Variants in FRMPD1 observed in about 807,000 individuals in gnomAD.
The protein encoded by FRMPD1 is FERM and PDZ domain-containing protein 1.
A neutral mutation model predicts 117.8 loss-of-function variants in FRMPD1; 76 were observed. The ratio of observed to expected loss-of-function variants is 0.65; its 90% CI spans 0.54 to 0.78. The LOEUF (loss-of-function observed/expected upper bound fraction) is 0.78. Ranked by LOEUF, FRMPD1 falls within the 30% of genes least tolerant of loss-of-function variation. The probability of loss-of-function intolerance (pLI) is 0.00; values close to 1 mark genes in which losing one functional copy is unlikely to be tolerated. For missense variants in FRMPD1, 1,786 were observed against 1,964.5 expected (o/e 0.91, Z 1.72); for synonymous variants, 783 against 770.4 (o/e 1.02, Z -0.27).
At chr9:37,691,040 A>T (rs1822114323) in intron 1 of FRMPD1, among the ~76,000 whole-genome samples, 1 of 152,246 alleles carries the variant, frequency 6.6e-6, no homozygotes, top group South Asian at 2.1e-4. Context: ...TAAGTTTTCA[A>T]CACATGAACT....
chr9:37,638,021 T>TTTCTTTCTTTCC, the FRMPD1 span, among the ~76,000 whole-genome samples: 2 of 109,796 alleles, frequency 1.8e-5, no homozygotes, highest in South Asian at 6.1e-4. Flanking sequence ...TCTTTCTTTC[T>TTTCTTTCTTTCC]TTCTCTCTCT....
chr9:37,630,168 TG>T, the FRMPD1 span, among the ~76,000 whole-genome samples: 1 of 152,122 alleles, frequency 6.6e-6, no homozygotes, highest in South Asian at 2.1e-4. Flanking sequence ...ATGTGAATTT[TG>T]GGGGGACACA....
the FRMPD1 span, chr9:37,637,317 T>A: frequency 8.8e-7 from 1 of 1,130,738 alleles, no homozygotes; most frequent in Non-Finnish European, 1.3e-6. Context: ...GCCCGCTCAG[T>A]CGCTCCCAGT....
the FRMPD1 span, among the ~76,000 whole-genome samples, chr9:37,613,625 G>T: frequency 6.6e-5 from 10 of 152,268 alleles, no homozygotes; most frequent in African/African-American, 2.4e-4. Context: ...GTCAACCATG[G>T]ACTGAAAACA....
the FRMPD1 span, among the ~76,000 whole-genome samples, chr9:37,641,641 GC>G: frequency 2.6e-5 from 4 of 152,134 alleles, no homozygotes; most frequent in Non-Finnish European, 5.9e-5. Flanking sequence ...CATGAATAAA[GC>G]CTTGTTTTTA....
intron 2 of FRMPD1, chr9:37,693,003 CAG>C (rs1822199065): frequency 3.7e-6 from 2 of 537,562 alleles, no homozygotes; most frequent in South Asian, 2.2e-5. Flanking sequence ...CACTGACACA[CAG>C]ACATACACAC....
At chr9:37,645,939 A>G in the FRMPD1 span, among the ~76,000 whole-genome samples, 1 of 152,190 alleles carries the variant, frequency 6.6e-6, no homozygotes, top group African/African-American at 2.4e-5. Flanking sequence ...ATCAGGTATC[A>G]TTGCCTCTTC....
chr9:37,631,360 A>G, the FRMPD1 span, among the ~76,000 whole-genome samples: 1 of 152,262 alleles, frequency 6.6e-6, no homozygotes, highest in Non-Finnish European at 1.5e-5. Context: ...TATTGTTATC[A>G]GTGAAACACT....
Position 37,732,315 on chromosome 9 carries a change from T to C in FRMPD1, c.870T>C (p.Asp290=). 4 of 1,613,654 alleles carry C rather than the reference T, an allele frequency of 2.5e-6. No homozygotes were observed. The highest frequency in any genetic ancestry group is 3.4e-6 in the Non-Finnish European group (4 of 1,179,984). Reference sequence around the variant, plus strand: ...TTAATCTCTTCTAGAGCTGCAGCGATGTGCTCCAGGAGCGCTTTGCTGTAG... The same window carrying C: ...TTAATCTCTTCTAGAGCTGCAGCGACGTGCTCCAGGAGCGCTTTGCTGTAG... ...FEYLYLQSCS[D]VLQERFAVEM... Residue 290 remains aspartate (D), a synonymous_variant, in exon 10 of 16, where the codon GAT becomes GAC. Transcript: ENST00000377765.
At position 37,724,323 on chromosome 9, in the gene FRMPD1, A is replaced by ATTC; in HGVS notation, c.612+5_612+6insCTT. On this transcript the variant is annotated splice_donor_region_variant and intron_variant, in intron 7 of 15. Transcript: ENST00000377765. ...TTGAGGCAAACACAACCGTGAAGGT[A>ATTC]TTAAGAATAAACTTGAACTTCTTTT... 6.7e-7 allele frequency: 1 copy of ATTC among 1,482,728 alleles called. No individual in the cohort carries two copies. The highest frequency in any genetic ancestry group is 2.3e-5 in the East Asian group (1 of 44,250). 91.8% of individuals were successfully genotyped at this position (1,482,728 alleles called of 1,614,324 possible).
intron 1 of FRMPD1, among the ~76,000 whole-genome samples, chr9:37,664,890 T>C (rs1384211303): frequency 6.6e-6 from 1 of 152,166 alleles, no homozygotes. Flanking sequence ...TGGGGGGCAA[T>C]TTGGCTATAT....
the FRMPD1 span, among the ~76,000 whole-genome samples, chr9:37,624,481 A>G: frequency 1.3e-5 from 2 of 152,194 alleles, no homozygotes; most frequent in Non-Finnish European, 2.9e-5. Context: ...GAGCTTCTTA[A>G]ATCCTAAGGA....
chr9:37,607,065 A>G, the FRMPD1 span, among the ~76,000 whole-genome samples: 2 of 152,198 alleles, frequency 1.3e-5, no homozygotes, highest in African/African-American at 2.4e-5. Flanking sequence ...CTATAATCCC[A>G]GCACTTTGGG....
the FRMPD1 span, among the ~76,000 whole-genome samples, chr9:37,632,540 G>T: frequency 6.6e-6 from 1 of 151,950 alleles, no homozygotes; most frequent in East Asian, 1.9e-4. Flanking sequence ...GGCTTTATTC[G>T]CAGGCAGGCT....
At chr9:37,607,021 C>T in the FRMPD1 span, among the ~76,000 whole-genome samples, 1 of 152,140 alleles carries the variant, frequency 6.6e-6, no homozygotes, top group Non-Finnish European at 1.5e-5. Context: ...ATGTAGAAAT[C>T]ATTAGAAACA....
intron 5 of FRMPD1, among the ~76,000 whole-genome samples, chr9:37,713,260 G>A (rs1822978139): frequency 6.6e-6 from 1 of 152,164 alleles, no homozygotes; most frequent in South Asian, 2.1e-4. Context: ...TTGGTGAAAT[G>A]TTGAACATGT....
chr9:37,662,856 C>T (rs1037712222), intron 1 of FRMPD1, among the ~76,000 whole-genome samples: 1 of 152,120 alleles, frequency 6.6e-6, no homozygotes, highest in African/African-American at 2.4e-5. Context: ...CTCAGTTTAA[C>T]AAGTACTGTT....
intron 5 of FRMPD1, among the ~76,000 whole-genome samples, chr9:37,717,364 T>TGTGTGTGG (rs1823176837): frequency 1.1e-5 from 1 of 92,548 alleles, no homozygotes; most frequent in Non-Finnish European, 2.4e-5. Flanking sequence ...TGTGTGTGTG[T>TGTGTGTGG]GTGTGTATAT....
chr9:37,627,635 A>T, the FRMPD1 span, among the ~76,000 whole-genome samples: 1 of 152,148 alleles, frequency 6.6e-6, no homozygotes. Context: ...CACCATGCCC[A>T]GCTAATTTTT....
Sources: gnomAD v4.1 joint callset for allele counts (sites outside exome capture counted in the v4.1 genomes callset) on GRCh38, gnomAD v4.1.1 for gene constraint, MANE v1.5 for transcripts, NCBI Gene and HGNC (gene_info 2026-07-23, HGNC 2026-07-21) for gene names.